APBA2: variants seen among roughly 807,000 people sequenced by gnomAD.
The protein encoded by APBA2 is amyloid-beta A4 precursor protein-binding family A member 2.
Under a neutral mutation model 75.0 loss-of-function variants are expected in APBA2, and 30 were observed. That is an observed-to-expected ratio of 0.40 (90% CI 0.30 to 0.54). The LOEUF is 0.54. Ranked by LOEUF, APBA2 falls within the 20% of genes least tolerant of loss-of-function variation. APBA2 has a pLI of 0.49. For synonymous variants in APBA2, 444 were observed against 409.6 expected (o/e 1.08, Z -1.01); for missense variants, 801 against 1,016.1 (o/e 0.79, Z 2.88).
intron 6 of APBA2, among the ~76,000 whole-genome samples, chr15:29,078,226 G>A (rs914507354): frequency 6.6e-6 from 1 of 151,994 alleles, no homozygotes; most frequent in Admixed American, 6.6e-5. Flanking sequence ...CCCAGGAGGC[G>A]GAGATTGCAA....
intron 1 of APBA2, among the ~76,000 whole-genome samples, chr15:28,892,083 A>G (rs2032166692): frequency 9.2e-6 from 1 of 108,786 alleles, no homozygotes; most frequent in African/African-American, 4.4e-5. Context: ...ATATATATAT[A>G]TGTTTTTTTG....
Position 29,106,758 on chromosome 15 carries a change from T to C in APBA2, c.1856T>C (p.Met619Thr). Residue 619 changes from methionine to threonine, a missense_variant, in exon 12 of 15, where the codon ATG becomes ACG. Physicochemically the swap from Met to Thr is moderately conservative, Grantham distance 81. Transcript: ENST00000683413. ...SGKLSIGDQI[M>T]SINGTSLVGL... ...AAGCTGAGCATCGGGGACCAGATCA[T>C]GTCCATCAATGGCACCAGCCTGGTG... 6 of 1,613,034 alleles carry C rather than the reference T, an allele frequency of 3.7e-6. No homozygotes were observed. The highest frequency in any genetic ancestry group is 5.1e-6 in the Non-Finnish European group (6 of 1,179,992).
chr15:29,082,923 G>A (rs894396378), intron 6 of APBA2, among the ~76,000 whole-genome samples: 19 of 151,976 alleles, frequency 1.3e-4, no homozygotes, highest in East Asian at 3.9e-4. Flanking sequence ...TAAACTGAGC[G>A]CAGCAGCACG....
chr15:29,037,550 TG>T (rs1435885798), intron 3 of APBA2, among the ~76,000 whole-genome samples: 13 of 151,798 alleles, frequency 8.6e-5, no homozygotes, highest in African/African-American at 2.2e-4. Flanking sequence ...CTTTTGTGGG[TG>T]AGGACCTGAG....
intron 2 of APBA2, among the ~76,000 whole-genome samples, chr15:28,939,180 C>A (rs185569576): frequency 6.6e-6 from 1 of 152,172 alleles, no homozygotes; most frequent in African/African-American, 2.4e-5. Flanking sequence ...TTGTGGCATG[C>A]GTCAGAATTG....
chr15:28,962,477 G>A (rs538181193), intron 2 of APBA2, among the ~76,000 whole-genome samples: 1 of 152,112 alleles, frequency 6.6e-6, no homozygotes, highest in Admixed American at 6.5e-5. Context: ...GCTGAGGCAG[G>A]GGAATCGCTT....
In APBA2 at chr15:29,054,298, G is replaced by A. The variant is rs2041766681; in HGVS notation, c.414G>A (p.Val138=). The part of the protein sequence containing the change: ...PVDTDECQEA[V]EEWTDSAGPH... ...ACACTGATGAGTGCCAGGAGGCGGT[G>A]GAGGAGTGGACGGACTCGGCGGGCC... Residue 138 remains valine (V), a synonymous_variant, in exon 4 of 15, where the codon GTG becomes GTA. Coordinates refer to ENST00000683413, the MANE Select transcript of APBA2 (RefSeq NM_001353788.2). This position sits in a 1 kb window ranked among gnomAD's most constrained non-coding sequence, Gnocchi z 6.1. 4 of 1,614,144 alleles carry A rather than the reference G, an allele frequency of 2.5e-6. No homozygotes were observed. Among genetic ancestry groups the A allele is most frequent in the Non-Finnish European group, 3.4e-6 (4 of 1,180,022 alleles).
intron 3 of APBA2, among the ~76,000 whole-genome samples, chr15:29,012,624 A>G (rs2039456488): frequency 6.6e-6 from 1 of 152,174 alleles, no homozygotes; most frequent in Non-Finnish European, 1.5e-5. Context: ...ACTCATGGAT[A>G]TTCATTGTAT....
At chr15:29,009,237 A>T (rs2039282684) in intron 3 of APBA2, among the ~76,000 whole-genome samples, 1 of 152,166 alleles carries the variant, frequency 6.6e-6, no homozygotes, top group Non-Finnish European at 1.5e-5. Context: ...TTCTAGTCTC[A>T]TAGCACATTG....
At chr15:28,930,998 A>C (rs954625750) in intron 2 of APBA2, among the ~76,000 whole-genome samples, 7 of 152,178 alleles carry the variant, frequency 4.6e-5, no homozygotes, top group African/African-American at 1.7e-4. Context: ...ATTCTCAGGA[A>C]ACTCGGGTGC....
At chr15:29,103,284 G>C (rs1422491191) in intron 10 of APBA2, among the ~76,000 whole-genome samples, 1 of 152,210 alleles carries the variant, frequency 6.6e-6, no homozygotes, top group African/African-American at 2.4e-5. Context: ...AGGCCGCAGG[G>C]TGGTCCTGCC....
intron 8 of APBA2, among the ~76,000 whole-genome samples, 189 bp from the exon 9 acceptor site, chr15:29,098,301 C>T (rs1267921739): frequency 6.6e-6 from 1 of 152,200 alleles, no homozygotes; most frequent in Non-Finnish European, 1.5e-5. Context: ...CCACCCCACG[C>T]CAGTGCTTCT....
At chr15:29,035,233 G>A (rs1409274808) in intron 3 of APBA2, among the ~76,000 whole-genome samples, 1 of 152,216 alleles carries the variant, frequency 6.6e-6, no homozygotes, top group Non-Finnish European at 1.5e-5. Context: ...GACAGGCAGA[G>A]GAGTAAGGGC....
At chr15:28,963,883 T>C (rs895311033) in intron 2 of APBA2, among the ~76,000 whole-genome samples, 2 of 152,160 alleles carry the variant, frequency 1.3e-5, no homozygotes, top group African/African-American at 2.4e-5. Context: ...CCAGTAGTTA[T>C]AATGTATGTA....
At chr15:29,103,148 G>C (rs1027752653) in intron 10 of APBA2, among the ~76,000 whole-genome samples, 1 of 152,244 alleles carries the variant, frequency 6.6e-6, no homozygotes, top group Admixed American at 6.5e-5. Flanking sequence ...GGCGGAATGA[G>C]GCCAGGAGCA....
At chr15:28,979,283 T>C (rs1213395996) in intron 2 of APBA2, among the ~76,000 whole-genome samples, 1 of 152,202 alleles carries the variant, frequency 6.6e-6, no homozygotes, top group Non-Finnish European at 1.5e-5. Context: ...CCTCAAGCCG[T>C]ATTCCTCAGC....
intron 2 of APBA2, among the ~76,000 whole-genome samples, chr15:28,993,949 G>C (rs2038373582): frequency 6.6e-6 from 1 of 152,218 alleles, no homozygotes; most frequent in Non-Finnish European, 1.5e-5. Context: ...TGGCAGGCCT[G>C]ACTTTCTCAC....
chr15:28,921,423 C>T (rs966646914), intron 1 of APBA2, among the ~76,000 whole-genome samples: 8 of 152,188 alleles, frequency 5.3e-5, no homozygotes, highest in Admixed American at 2.0e-4. Flanking sequence ...GGGAGAATCA[C>T]GGTCAACTTG....
intron 4 of APBA2, among the ~76,000 whole-genome samples, chr15:29,062,633 C>T (rs530163679): frequency 1.3e-5 from 2 of 152,158 alleles, no homozygotes; most frequent in Non-Finnish European, 2.9e-5. Context: ...CTTTTAAAAT[C>T]TAGGTAAAGC....
Sources: gnomAD v4.1 joint callset for allele counts (sites outside exome capture counted in the v4.1 genomes callset) on GRCh38, gnomAD v4.1.1 for gene constraint, Gnocchi (gnomAD v3.1) non-coding constraint, MANE v1.5 for transcripts, NCBI Gene and HGNC (gene_info 2026-07-23, HGNC 2026-07-21) for gene names.